Variants in NFATC3 observed in about 807,000 individuals in gnomAD.
The protein encoded by NFATC3 is nuclear factor of activated T cells 3.
Under a neutral mutation model 98.6 loss-of-function variants are expected in NFATC3, and 46 were observed. That is an observed-to-expected ratio of 0.47 (90% CI 0.37 to 0.60). The LOEUF is 0.60. Ranked by LOEUF, NFATC3 falls within the 20% of genes least tolerant of loss-of-function variation. NFATC3 has a pLI of 0.00. For synonymous variants in NFATC3, 512 were observed against 472.2 expected (o/e 1.08, Z -1.09); for missense variants, 1,256 against 1,295.5 (o/e 0.97, Z 0.47).
intron 1 of NFATC3, among the ~76,000 whole-genome samples, chr16:68,114,664 T>G (rs1160296345): frequency 6.6e-6 from 1 of 151,106 alleles, no homozygotes; most frequent in Non-Finnish European, 1.5e-5. Flanking sequence ...AACCTCCGAC[T>G]CCCTGGTTCA....
intron 1 of NFATC3, among the ~76,000 whole-genome samples, chr16:68,112,786 C>A (rs1414560641): frequency 1.3e-5 from 2 of 149,530 alleles, no homozygotes; most frequent in East Asian, 1.9e-4. Context: ...AGCCTCCCGA[C>A]ATTTTTTTTT....
Position 68,229,102 on chromosome 16 carries a change from T to G in NFATC3, c.*2631T>G, listed in dbSNP as rs1024059468. 1 of 152,250 alleles carries G rather than the reference T, an allele frequency of 6.6e-6. No homozygotes were observed. The highest frequency in any genetic ancestry group is 2.4e-5 in the African/African-American group (1 of 41,470). The allele number at this position is 152,250 out of a possible 1,614,324, so 9.4% of individuals were successfully genotyped here. On this transcript the variant is annotated 3_prime_UTR_variant, in exon 10 of 10. Coordinates refer to ENST00000346183, the MANE Select transcript of NFATC3 (RefSeq NM_173165.3). ...TAAAGGAACTGGTTCTCAGTTATGT[T>G]TACAGCACTTGGAATTGTGTGTTCT...
intron 6 of NFATC3, among the ~76,000 whole-genome samples, chr16:68,178,565 A>G (rs1388341638): frequency 6.6e-6 from 1 of 152,230 alleles, no homozygotes; most frequent in Non-Finnish European, 1.5e-5. Context: ...CTATAAACAA[A>G]TAAATGAACA....
At chr16:68,098,745 A>G (rs951664831) in intron 1 of NFATC3, among the ~76,000 whole-genome samples, 4 of 152,226 alleles carry the variant, frequency 2.6e-5, no homozygotes, top group Admixed American at 2.0e-4. Context: ...ACAGGTGTGT[A>G]GTGTTATCTT....
intron 9 of NFATC3, among the ~76,000 whole-genome samples, chr16:68,215,575 A>G (rs180817208): frequency 4.5e-4 from 68 of 152,310 alleles, no homozygotes; most frequent in Non-Finnish European, 8.8e-4. Flanking sequence ...GACTGAGTAA[A>G]TAAGAGGTGA....
chr16:68,085,595 T>A lies in NFATC3; in HGVS notation c.-87T>A. On this transcript the variant is annotated 5_prime_UTR_variant, in exon 1 of 10. An upstream start codon of the reference 5' UTR is lost. Transcript: ENST00000346183. The stretch of plus-strand genomic sequence containing the variant: ...ACCTCTTGGCCCGCGCGGCCCGGCA[T>A]GAAGCGGCGTTGAGGAGCTGCTGCC... 1 of 1,204,850 alleles carries A rather than the reference T, an allele frequency of 8.3e-7. No individual in the cohort carries two copies. Among genetic ancestry groups the A allele is most frequent in the Non-Finnish European group, 1.1e-6 (1 of 896,946 alleles). The allele number at this position is 1,204,850 out of a possible 1,614,324, so 74.6% of individuals were successfully genotyped here.
At chr16:68,163,120 G>A (rs994065206) in intron 4 of NFATC3, among the ~76,000 whole-genome samples, 9 of 152,194 alleles carry the variant, frequency 5.9e-5, no homozygotes, top group African/African-American at 2.2e-4. Context: ...AAAATGAAAA[G>A]TCTCCCATGT....
intron 8 of NFATC3, among the ~76,000 whole-genome samples, chr16:68,186,217 TA>T (rs898063568): frequency 4.4e-3 from 626 of 142,486 alleles, no homozygotes; most frequent in Middle Eastern, 7.3e-3. Context: ...TTACTGTAAT[TA>T]AAAAAAAAAA....
At chr16:68,085,899 TGCGCGCGC>T in intron 1 of NFATC3, 115 bp downstream of exon 1, 1 of 720,666 alleles carries the variant, frequency 1.4e-6, no homozygotes, top group Non-Finnish European at 2.1e-6. Flanking sequence ...TGTGTGTGTG[TGCGCGCGC>T]GTGTGTGTGG....
intron 3 of NFATC3, among the ~76,000 whole-genome samples, chr16:68,149,454 A>G (rs1467848994): frequency 1.3e-5 from 2 of 152,348 alleles, no homozygotes; most frequent in South Asian, 2.1e-4. Context: ...ATAAAAGGCA[A>G]TTATTAACTG....
At chr16:68,221,856 A>G (rs1463771406) in intron 9 of NFATC3, among the ~76,000 whole-genome samples, 3 of 152,238 alleles carry the variant, frequency 2.0e-5, no homozygotes, top group Non-Finnish European at 4.4e-5. Context: ...GGCTTCCATT[A>G]TAATCAATAC....
At chr16:68,134,711 T>C (rs2037296561) in intron 3 of NFATC3, among the ~76,000 whole-genome samples, 1 of 152,168 alleles carries the variant, frequency 6.6e-6, no homozygotes, top group Non-Finnish European at 1.5e-5. Flanking sequence ...TGGGGTTTTT[T>C]TGGGGGGATG....
intron 9 of NFATC3, among the ~76,000 whole-genome samples, chr16:68,215,828 C>T (rs542566519): frequency 2.8e-4 from 42 of 148,766 alleles, no homozygotes; most frequent in Non-Finnish European, 5.5e-4. Context: ...CCCAGGTTGA[C>T]GCCATTCTCC....
At chr16:68,159,155 G>A (rs2041894613) in intron 4 of NFATC3, among the ~76,000 whole-genome samples, 1 of 152,174 alleles carries the variant, frequency 6.6e-6, no homozygotes, top group South Asian at 2.1e-4. Context: ...TCACTTGCCC[G>A]GGAGGCAGAG....
chr16:68,122,567 G>T lies in NFATC3; in HGVS notation c.684G>T (p.Gln228His), dbSNP rs139451244. ...CTGGAGAAGAAACTTGGCATCAACAGTATGGACTTGGACACTCATTATCAC... is the reference window on the plus strand; with the variant it reads ...CTGGAGAAGAAACTTGGCATCAACATTATGGACTTGGACACTCATTATCAC... ...GCPGEETWHQ[Q>H]YGLGHSLSPR... The change falls in exon 2 of 10, where the codon CAG becomes CAT. Residue 228 changes from glutamine (Q) to histidine (H), a missense_variant. Around this residue, in one of 3 missense-constraint regions of NFATC3, gnomAD observed 464 missense variants for 465.7 expected, o/e 1.00. Coordinates refer to ENST00000346183, the MANE Select transcript of NFATC3 (RefSeq NM_173165.3). 1.9e-6 allele frequency: 3 copies of T among 1,613,980 alleles called. No homozygotes were observed. Among genetic ancestry groups the T allele is most frequent in the Admixed American group, 1.7e-5 (1 of 59,994 alleles).
At chr16:68,216,563 G>A (rs770729860) in intron 9 of NFATC3, among the ~76,000 whole-genome samples, 1 of 150,638 alleles carries the variant, frequency 6.6e-6, no homozygotes, top group Non-Finnish European at 1.5e-5. Context: ...AGACAGTCTC[G>A]CTCTGTTGCC....
chr16:68,100,375 C>T (rs111606836), intron 1 of NFATC3, among the ~76,000 whole-genome samples: 17,726 of 152,044 alleles, frequency 0.12, 1,184 homozygotes, highest in South Asian at 0.2. Context: ...GGGTTCAAGA[C>T]CAGCCTGGGC....
intron 1 of NFATC3, among the ~76,000 whole-genome samples, chr16:68,118,968 C>T (rs538879646): frequency 9.2e-5 from 14 of 152,194 alleles, no homozygotes; most frequent in Admixed American, 6.5e-4. Flanking sequence ...CCTGGGTTCA[C>T]GCCATTCTCC....
At position 68,122,497 on chromosome 16, in the gene NFATC3, T is replaced by C; in HGVS notation, c.614T>C (p.Leu205Pro). The C allele has an allele frequency of 6.2e-7, 1 of 1,614,106 alleles. No homozygotes were observed. The highest frequency in any genetic ancestry group is 8.5e-7 in the Non-Finnish European group (1 of 1,180,030). The part of the protein sequence containing the change: ...ELNEAAARFT[L>P]GSPLTSPGGS... Reference sequence around the variant, plus strand: ...AATGAAGCTGCAGCCCGATTTACCCTTGGATCCCCTCTGACTTCTCCTGGT... The same window carrying C: ...AATGAAGCTGCAGCCCGATTTACCCCTGGATCCCCTCTGACTTCTCCTGGT... Residue 205 changes from leucine (L) to proline (P), a missense_variant, in exon 2 of 10, where the codon CTT becomes CCT. Physicochemically the swap from Leu to Pro is moderately conservative, Grantham distance 98. This residue lies in a region of NFATC3 where 464 missense variants were observed against 465.7 expected (regional missense o/e 1.00). Coordinates refer to ENST00000346183, the MANE Select transcript of NFATC3 (RefSeq NM_173165.3).
Sources: allele counts gnomAD v4.1 joint callset (sites outside exome capture counted in the v4.1 genomes callset), GRCh38; gene constraint gnomAD v4.1.1; regional missense constraint gnomAD v4.1.1; transcripts MANE v1.5; gene names NCBI Gene and HGNC (gene_info 2026-07-23, HGNC 2026-07-21).